EFHD2: variants seen among roughly 807,000 people sequenced by gnomAD.
The protein encoded by EFHD2 is EF-hand domain-containing protein D2.
Under a neutral mutation model 20.3 loss-of-function variants are expected in EFHD2, and 12 were observed. That is an observed-to-expected ratio of 0.59 (90% CI 0.38 to 0.96). The LOEUF is 0.96. EFHD2 is among the 40% of genes least tolerant of loss of function. The pLI, the probability that EFHD2 is intolerant of heterozygous loss-of-function variation, is 0.00. For synonymous variants in EFHD2, 131 were observed against 143.9 expected (o/e 0.91, Z 0.64); for missense variants, 250 against 334.3 (o/e 0.75, Z 1.97).
intron 3 of EFHD2, chr1:15,427,763 G>A (rs1707898666): frequency 2.6e-6 from 1 of 378,162 alleles, no homozygotes; most frequent in Non-Finnish European, 5.3e-6. Flanking sequence ...AGTGGCTCCT[G>A]GGTCCTGCCC....
At position 15,428,940 on chromosome 1, in the gene EFHD2, C is replaced by T; in HGVS notation, c.*216C>T. On this transcript the variant is annotated 3_prime_UTR_variant, in exon 4 of 4. Transcript: ENST00000375980. ...CACGAGGCCGCCACACCGGCGCTGG[C>T]TCCCTGCCCGGCCCGGCCCTCCCTG... is the stretch of plus-strand genomic sequence containing the variant. 2 of 657,114 alleles carry T rather than the reference C, an allele frequency of 3.0e-6. No individual in the cohort carries two copies. Among genetic ancestry groups the T allele is most frequent in the South Asian group, 1.9e-5 (1 of 52,060 alleles). The allele number at this position is 657,114 out of a possible 1,614,324, so 40.7% of individuals were successfully genotyped here.
intron 1 of EFHD2, among the ~76,000 whole-genome samples, chr1:15,420,933 C>A (rs577503051): frequency 6.6e-6 from 1 of 152,150 alleles, no homozygotes; most frequent in Non-Finnish European, 1.5e-5. Context: ...TGAGCCACCA[C>A]GTCCAGCCTC....
rs72865106 is a variant in EFHD2, at chr1:15,426,472, C to T, written c.456+454C>T. Among the ~76,000 whole-genome samples, 3 of 151,988 alleles carry T rather than the reference C, an allele frequency of 2.0e-5. No individual in the cohort carries two copies. Among genetic ancestry groups the T allele is most frequent in the Admixed American group, 6.6e-5 (1 of 15,252 alleles). On this transcript the variant is annotated intron_variant, in intron 2 of 3. Transcript: ENST00000375980. The surrounding 1 kb of genome is among the most constrained non-coding windows in gnomAD (Gnocchi z 4.6). ...ACAGGAGCTAGGGGCAAGCCGGTTTCGCAGGGAAGGAAATGGAGGCCCAAG... is the reference window on the plus strand; with the variant it reads ...ACAGGAGCTAGGGGCAAGCCGGTTTTGCAGGGAAGGAAATGGAGGCCCAAG...
Position 15,413,201 on chromosome 1 carries a change from A to C in EFHD2, c.308+2922A>C, listed in dbSNP as rs760936. Reference sequence around the variant, plus strand: ...TCAGAGCCAGGGCTCTGGGGAGAGCAGAGGGCAGAGAGGAGGGGAGCCTGC... The same window carrying C: ...TCAGAGCCAGGGCTCTGGGGAGAGCCGAGGGCAGAGAGGAGGGGAGCCTGC... On this transcript the variant is annotated intron_variant, in intron 1 of 3. Coordinates refer to ENST00000375980, the MANE Select transcript of EFHD2 (RefSeq NM_024329.6). This position sits in a 1 kb window ranked among gnomAD's most constrained non-coding sequence, Gnocchi z 4.4. 0.3 allele frequency among the ~76,000 whole-genome samples: 45,642 copies of C among 152,002 alleles called. 6,952 individuals are homozygous for C. Among genetic ancestry groups the C allele is most frequent in the Middle Eastern group, 0.4 (118 of 294 alleles).
chr1:15,426,048 A>C lies in EFHD2; in HGVS notation c.456+30A>C, dbSNP rs1707868847. On this transcript the variant is annotated intron_variant, in intron 2 of 3. Transcript: ENST00000375980. The surrounding 1 kb of genome is among the most constrained non-coding windows in gnomAD (Gnocchi z 4.6). ...GCCCGGCCCCCAGCCCCACTCCCCT[A>C]CCAGGGGCTTCACCTGAGGACCTGG... 6.5e-7 allele frequency: 1 copy of C among 1,540,232 alleles called. No homozygotes were observed. Among genetic ancestry groups the C allele is most frequent in the African/African-American group, 1.4e-5 (1 of 70,486 alleles).
At chr1:15,427,861 C>T in intron 3 of EFHD2, 1 of 468,364 alleles carries the variant, frequency 2.1e-6, no homozygotes, top group Non-Finnish European at 4.4e-6. Context: ...ACCCTCTGGG[C>T]TTCGGAGCAT....
chr1:15,412,284 T>A (rs963255170), intron 1 of EFHD2, among the ~76,000 whole-genome samples: 6 of 152,060 alleles, frequency 3.9e-5, no homozygotes, highest in African/African-American at 1.4e-4. Flanking sequence ...CATCGGGCAG[T>A]GCAGAGCTGA....
At chr1:15,418,380 A>C (rs1243174691) in intron 1 of EFHD2, among the ~76,000 whole-genome samples, 1 of 130,332 alleles carries the variant, frequency 7.7e-6, no homozygotes, top group Non-Finnish European at 1.5e-5. Context: ...ATCTCGGCTC[A>C]CTGCAAGCTC....
intron 1 of EFHD2, among the ~76,000 whole-genome samples, chr1:15,418,215 C>A (rs1707715209): frequency 6.6e-6 from 1 of 151,494 alleles, no homozygotes; most frequent in Non-Finnish European, 1.5e-5. Context: ...GTCTCAAACT[C>A]CTGGCCTCAA....
At chr1:15,418,695 A>G (rs1441591704) in intron 1 of EFHD2, among the ~76,000 whole-genome samples, 2 of 152,200 alleles carry the variant, frequency 1.3e-5, no homozygotes, top group Non-Finnish European at 2.9e-5. Context: ...GGCACTAAAC[A>G]ACGAACTGCA....
chr1:15,425,917 C>T lies in EFHD2; in HGVS notation c.355C>T (p.Leu119Phe). The T allele has an allele frequency of 6.2e-7, 1 of 1,606,574 alleles. No individual in the cohort carries two copies. The highest frequency in any genetic ancestry group is 8.5e-7 in the Non-Finnish European group (1 of 1,177,048). ...CTTCATCGACCTGATGGAGCTAAAA[C>T]TCATGATGGAGAAACTTGGGGCCCC... ...DGFIDLMELK[L>F]MMEKLGAPQT... The change falls in exon 2 of 4, where the codon CTC (leucine) becomes TTC (phenylalanine). Residue 119 changes from leucine (L) to phenylalanine (F), a missense_variant. Physicochemically the swap from Leu to Phe is conservative, Grantham distance 22. Coordinates refer to ENST00000375980, the MANE Select transcript of EFHD2 (RefSeq NM_024329.6).
intron 1 of EFHD2, among the ~76,000 whole-genome samples, chr1:15,410,761 G>A (rs955859569): frequency 6.7e-6 from 1 of 148,842 alleles, no homozygotes; most frequent in Non-Finnish European, 1.5e-5. Flanking sequence ...ACACACGCTG[G>A]CCAAAGATAC....
At position 15,423,551 on chromosome 1, in the gene EFHD2, T is replaced by C. The variant is rs370452496; in HGVS notation, c.309-2320T>C. ...AGATCAAGTCTGGAAGCCCAGCTCC[T>C]TCCTTACTGCTGTGTGACTGTGGGT... is the stretch of plus-strand genomic sequence containing the variant. On this transcript the variant is annotated intron_variant, in intron 1 of 3. Coordinates refer to ENST00000375980, the MANE Select transcript of EFHD2 (RefSeq NM_024329.6). Among the ~76,000 whole-genome samples the C allele has an allele frequency of 3.2e-4, 48 of 152,298 alleles. 1 individual carries two copies. In the South Asian group the frequency reaches 4.8e-3, roughly 15 times the overall value.
Position 15,428,705 on chromosome 1 carries a change from T to C in EFHD2, c.704T>C (p.Leu235Pro), listed in dbSNP as rs1373233052. Residue 235 changes from leucine (L) to proline (P), a missense_variant, in exon 4 of 4, where the codon CTG (leucine) becomes CCG (proline). Physicochemically the swap from Leu to Pro is moderately conservative, Grantham distance 98. Transcript: ENST00000375980. ...MKQRKAAFKE[L>P]QSTFK The stretch of plus-strand genomic sequence containing the variant: ...CAGCGGAAAGCGGCCTTCAAGGAGC[T>C]GCAGTCCACCTTTAAGTAGCGGGGG... The C allele has an allele frequency of 1.3e-6, 2 of 1,594,002 alleles. No homozygotes were observed. Among genetic ancestry groups the C allele is most frequent in the Non-Finnish European group, 1.7e-6 (2 of 1,171,266 alleles).
intron 1 of EFHD2, among the ~76,000 whole-genome samples, chr1:15,423,151 C>T (rs982747109): frequency 6.6e-6 from 1 of 152,304 alleles, no homozygotes; most frequent in Non-Finnish European, 1.5e-5. Flanking sequence ...CCGCTGTGCC[C>T]CCCAGAACCC....
chr1:15,417,981 C>CTTTTTTTTTTT (rs57589251), intron 1 of EFHD2, among the ~76,000 whole-genome samples: 5 of 97,088 alleles, frequency 5.1e-5, no homozygotes, highest in Admixed American at 1.1e-4. Context: ...CTTTCTTTTT[C>CTTTTTTTTTTT]TTTTTTTTTT....
intron 1 of EFHD2, among the ~76,000 whole-genome samples, chr1:15,416,129 TCC>T (rs1707665634): frequency 6.6e-6 from 1 of 152,126 alleles, no homozygotes; most frequent in African/African-American, 2.4e-5. Context: ...CACCTCTCCT[TCC>T]CCACACCCCC....
chr1:15,423,471 G>A (rs1286254601), intron 1 of EFHD2, among the ~76,000 whole-genome samples: 1 of 152,208 alleles, frequency 6.6e-6, no homozygotes, highest in Non-Finnish European at 1.5e-5. Context: ...GCAGCCCCAG[G>A]ACACGTTGGG....
In EFHD2 at chr1:15,429,622, C is replaced by A. The variant is rs548106310; in HGVS notation, c.*898C>A. 6.6e-6 allele frequency: 1 copy of A among 152,596 alleles called. No individual in the cohort carries two copies. Among genetic ancestry groups the A allele is most frequent in the African/African-American group, 2.4e-5 (1 of 41,462 alleles). 9.5% of individuals were successfully genotyped at this position (152,596 alleles called of 1,614,324 possible). A position where few individuals can be genotyped will look rare whatever the true frequency, so the allele number is the denominator to read the frequency against. ...AGACGAGCGCTTCGCCTTGATTCTC[C>A]GAGAAGCCTCCGAGAAGTGCTTTAA... On this transcript the variant is annotated 3_prime_UTR_variant, in exon 4 of 4. Transcript: ENST00000375980.
Sources: allele counts gnomAD v4.1 joint callset (sites outside exome capture counted in the v4.1 genomes callset), GRCh38; gene constraint gnomAD v4.1.1; non-coding constraint Gnocchi (gnomAD v3.1); transcripts MANE v1.5; gene names NCBI Gene and HGNC (gene_info 2026-07-23, HGNC 2026-07-21).